Variants in FAM227B observed in about 807,000 individuals in gnomAD.
The protein encoded by FAM227B is family with sequence similarity 227 member B, also known as protein FAM227B.
Under a neutral mutation model 73.8 loss-of-function variants are expected in FAM227B, and 88 were observed. The ratio of observed to expected loss-of-function variants is 1.19; its 90% CI spans 1.00 to 1.42. The LOEUF is 1.42. Ranked by LOEUF, FAM227B falls within the 40% of genes most tolerant of loss-of-function variation. The probability of loss-of-function intolerance (pLI) is 0.00; values close to 1 mark genes in which losing one functional copy is unlikely to be tolerated. For missense variants in FAM227B, 632 were observed against 590.9 expected (o/e 1.07, Z -0.72); for synonymous variants, 210 against 190.5 (o/e 1.10, Z -0.84).
intron 11 of FAM227B, among the ~76,000 whole-genome samples, chr15:49,506,637 T>A (rs1414403218): frequency 6.6e-6 from 1 of 151,968 alleles, no homozygotes; most frequent in Non-Finnish European, 1.5e-5. Context: ...ATCAGTAATT[T>A]TAAGATATCT....
intron 4 of FAM227B, among the ~76,000 whole-genome samples, chr15:49,589,391 T>A (rs1816687529): frequency 1.3e-5 from 2 of 152,210 alleles, no homozygotes; most frequent in African/African-American, 4.8e-5. Flanking sequence ...GTTTAACAAC[T>A]GTTTTAAGGC....
intron 11 of FAM227B, among the ~76,000 whole-genome samples, chr15:49,381,861 G>A (rs1307553913): frequency 6.6e-6 from 1 of 151,996 alleles, no homozygotes; most frequent in Non-Finnish European, 1.5e-5. Flanking sequence ...ATTTATCACT[G>A]TTATAAATGT....
chr15:49,419,237 A>G (rs2049424109), intron 11 of FAM227B, among the ~76,000 whole-genome samples: 1 of 152,184 alleles, frequency 6.6e-6, no homozygotes, highest in South Asian at 2.1e-4. Context: ...GTACAGATAA[A>G]TATACAAGCA....
chr15:49,340,127 G>C (rs2040449009), intron 13 of FAM227B, among the ~76,000 whole-genome samples: 1 of 152,152 alleles, frequency 6.6e-6, no homozygotes, highest in South Asian at 2.1e-4. Context: ...GGAGTGAACT[G>C]TTCTGTCTCA....
At chr15:49,524,439 A>T (rs1597873103) in intron 10 of FAM227B, among the ~76,000 whole-genome samples, 1 of 152,204 alleles carries the variant, frequency 6.6e-6, no homozygotes, top group African/African-American at 2.4e-5. Flanking sequence ...TAGATTTCAT[A>T]GGATGTATGG....
chr15:49,402,070 A>T (rs915988950), intron 11 of FAM227B, among the ~76,000 whole-genome samples: 3 of 152,180 alleles, frequency 2.0e-5, no homozygotes, highest in Non-Finnish European at 2.9e-5. Flanking sequence ...CACTGATTAA[A>T]TCATAGTCTC....
chr15:49,355,644 G>C (rs143359226), intron 13 of FAM227B, among the ~76,000 whole-genome samples: 25,372 of 151,812 alleles, frequency 0.17, 2,356 homozygotes, highest in Non-Finnish European at 0.21. Context: ...GGGGAGAATG[G>C]AACCAAGTTG....
At chr15:49,525,869 T>C (rs543930073) in intron 10 of FAM227B, among the ~76,000 whole-genome samples, 44 of 151,072 alleles carry the variant, frequency 2.9e-4, no homozygotes, top group African/African-American at 1.0e-3. Flanking sequence ...CTTAAATATA[T>C]ATGAAGCCAA....
At chr15:49,533,183 T>C (rs985060965) in intron 10 of FAM227B, among the ~76,000 whole-genome samples, 2 of 151,954 alleles carry the variant, frequency 1.3e-5, no homozygotes, top group Non-Finnish European at 2.9e-5. Context: ...TATTTATAAA[T>C]TTTCCTCTTC....
chr15:49,375,406 T>G (rs2046094908), intron 11 of FAM227B, among the ~76,000 whole-genome samples: 1 of 152,198 alleles, frequency 6.6e-6, no homozygotes, highest in South Asian at 2.1e-4. Context: ...TTATCCATTA[T>G]TTCTTACTAT....
chr15:49,505,988 T>G (rs1175049893), intron 11 of FAM227B, among the ~76,000 whole-genome samples: 1 of 151,906 alleles, frequency 6.6e-6, no homozygotes, highest in Non-Finnish European at 1.5e-5. Context: ...GTGTCTATAT[T>G]AAGATTAAAC....
chr15:49,350,935 A>G (rs1349789284), intron 13 of FAM227B, among the ~76,000 whole-genome samples: 1 of 152,188 alleles, frequency 6.6e-6, no homozygotes, highest in African/African-American at 2.4e-5. Flanking sequence ...TGTGCATCAC[A>G]TTCCCCCTTA....
rs900852119 is a variant in FAM227B at position 49,366,079 on chromosome 15, T to C, written c.1271+1369A>G. 7 of 832,944 alleles carry C rather than the reference T, an allele frequency of 8.4e-6. No individual in the cohort carries two copies. In the East Asian group the frequency reaches 9.6e-5, roughly 11 times the overall value. 51.6% of individuals were successfully genotyped at this position (832,944 alleles called of 1,614,324 possible). A position where few individuals can be genotyped will look rare whatever the true frequency, so the allele number is the denominator to read the frequency against. On this transcript the variant is annotated intron_variant, in intron 13 of 15. Coordinates refer to ENST00000299338, the MANE Select transcript of FAM227B (RefSeq NM_152647.3). ...TTTCCCTCATTTATCTATCTTCAGT[T>C]GTCACTGCTTTCAAGTTTTCCAATT...
intron 10 of FAM227B, among the ~76,000 whole-genome samples, chr15:49,538,247 C>T (rs1260379658): frequency 6.6e-6 from 1 of 152,120 alleles, no homozygotes; most frequent in Non-Finnish European, 1.5e-5. Flanking sequence ...CCTCTACCAC[C>T]GCCAAGACCA....
intron 11 of FAM227B, among the ~76,000 whole-genome samples, chr15:49,405,679 T>C (rs1002203125): frequency 6.6e-6 from 1 of 152,194 alleles, no homozygotes; most frequent in Non-Finnish European, 1.5e-5. Flanking sequence ...CTTCCTTAGA[T>C]TGGGTTTCAA....
chr15:49,349,474 C>T (rs2041955105), intron 13 of FAM227B, among the ~76,000 whole-genome samples: 1 of 151,982 alleles, frequency 6.6e-6, no homozygotes, highest in East Asian at 1.9e-4. Context: ...TTGATATATC[C>T]TTTATTTTAC....
intron 11 of FAM227B, among the ~76,000 whole-genome samples, chr15:49,392,271 T>G (rs889212919): frequency 2.0e-5 from 3 of 152,128 alleles, no homozygotes; most frequent in African/African-American, 7.2e-5. Flanking sequence ...TATGGAGGGC[T>G]TGAATTAGTA....
chr15:49,363,007 G>A (rs994520638), intron 13 of FAM227B, among the ~76,000 whole-genome samples: 6 of 152,150 alleles, frequency 3.9e-5, no homozygotes, highest in African/African-American at 1.4e-4. Context: ...TCAGTGCCAT[G>A]CTGTTTTGGT....
At chr15:49,402,796 G>A (rs1176537573) in intron 11 of FAM227B, among the ~76,000 whole-genome samples, 1 of 152,092 alleles carries the variant, frequency 6.6e-6, no homozygotes, top group East Asian at 1.9e-4. Flanking sequence ...GATTGCCCTG[G>A]CCAGAGCTTC....
Sources: gnomAD v4.1 joint callset for allele counts (sites outside exome capture counted in the v4.1 genomes callset) on GRCh38, gnomAD v4.1.1 for gene constraint, MANE v1.5 for transcripts, NCBI Gene and HGNC (gene_info 2026-07-23, HGNC 2026-07-21) for gene names.